Variants in CFAP221 observed in about 807,000 individuals in gnomAD.
The protein encoded by CFAP221 is cilia- and flagella-associated protein 221.
Under a neutral mutation model 113.1 loss-of-function variants are expected in CFAP221, and 97 were observed. The observed-to-expected ratio is 0.86, with a 90% CI of 0.73 to 1.02. The LOEUF is 1.02. Ranked by LOEUF, CFAP221 falls within the 50% of genes least tolerant of loss-of-function variation. The pLI, the probability that CFAP221 is intolerant of heterozygous loss-of-function variation, is 0.00. For synonymous variants in CFAP221, 331 were observed against 354.4 expected, an observed-to-expected ratio of 0.93 and a Z score of 0.74; for missense variants, 1,025 against 1,013.4, an observed-to-expected ratio of 1.01 and a Z score of -0.16.
chr2:119,571,845 G>T (rs1233740619), intron 6 of CFAP221, among the ~76,000 whole-genome samples: 1 of 152,234 alleles, frequency 6.6e-6, no homozygotes, highest in African/African-American at 2.4e-5. Context: ...AGCAAAAGGT[G>T]AATTCAGAAG....
chr2:119,638,662 A>T (rs754968738), intron 20 of CFAP221, among the ~76,000 whole-genome samples: 1 of 152,164 alleles, frequency 6.6e-6, no homozygotes, highest in Non-Finnish European at 1.5e-5. Context: ...TTCCTCTGGA[A>T]GGCTGCACCT....
At chr2:119,641,844 C>T (rs1017208076) in intron 21 of CFAP221, among the ~76,000 whole-genome samples, 1 of 152,108 alleles carries the variant, frequency 6.6e-6, no homozygotes, top group Non-Finnish European at 1.5e-5. Context: ...GTCAGTAAAC[C>T]GGGTCTGGGG....
intron 11 of CFAP221, among the ~76,000 whole-genome samples, chr2:119,606,619 G>A (rs908301026): frequency 6.6e-6 from 1 of 152,062 alleles, no homozygotes; most frequent in African/African-American, 2.4e-5. Context: ...TAGGAAACCT[G>A]AAAACATGTT....
At chr2:119,629,766 C>A in intron 16 of CFAP221, 109 bp from the exon 17 acceptor site, 1 of 833,110 alleles carries the variant, frequency 1.2e-6, no homozygotes. Flanking sequence ...GGAGGAGTTG[C>A]TCTGAGAGTA....
downstream of CFAP221, among the ~76,000 whole-genome samples, chr2:119,657,857 G>A (rs1688490294): frequency 6.6e-6 from 1 of 152,154 alleles, no homozygotes; most frequent in Non-Finnish European, 1.5e-5. Flanking sequence ...ATGCATTTTT[G>A]CAAGAATTCC....
At chr2:119,608,372 C>G (rs1355787021) in intron 11 of CFAP221, 130 bp from the exon 12 acceptor site, 1 of 592,050 alleles carries the variant, frequency 1.7e-6, no homozygotes, top group African/African-American at 1.8e-5. Flanking sequence ...ACTAACTTCT[C>G]TATCCCATGT....
intron 20 of CFAP221, 150 bp downstream of exon 20, chr2:119,638,567 C>A: frequency 9.7e-7 from 1 of 1,032,948 alleles, no homozygotes; most frequent in Non-Finnish European, 1.4e-6. Context: ...ATACCGCCAG[C>A]CCTAAAGGGG....
At chr2:119,566,309 A>G (rs1396851940) in intron 6 of CFAP221, among the ~76,000 whole-genome samples, 1 of 152,224 alleles carries the variant, frequency 6.6e-6, no homozygotes, top group African/African-American at 2.4e-5. Context: ...GTTACCATGC[A>G]CTAACAATTC....
chr2:119,638,281 C>T lies in CFAP221; in HGVS notation c.1997C>T (p.Ala666Val). 1 of 1,614,148 alleles carries T rather than the reference C, an allele frequency of 6.2e-7. No homozygotes were observed. ...YVFNPNPGLF[A>V]VMHPLTYAET... is the part of the protein sequence containing the mutation. ...CAGAATCCCAACCCAGGATTATTTG[C>T]TGTAATGCATCCTCTGACCTATGCA... Residue 666 changes from alanine to valine, a missense_variant, in exon 20 of 24, where the codon GCT becomes GTT. Coordinates refer to ENST00000413369, the MANE Select transcript of CFAP221 (RefSeq NM_001271049.2).
At chr2:119,647,096 T>C in intron 22 of CFAP221, 46 bp downstream of exon 22, 1 of 1,493,444 alleles carries the variant, frequency 6.7e-7, no homozygotes, top group South Asian at 1.2e-5. Context: ...TGGTCTGTTT[T>C]CCAAAAATAT....
intron 2 of CFAP221, among the ~76,000 whole-genome samples, chr2:119,548,497 C>T (rs2105006420): frequency 6.6e-6 from 1 of 152,310 alleles, no homozygotes; most frequent in African/African-American, 2.4e-5. Flanking sequence ...TAGACCTGGA[C>T]ACTTTTGTGA....
intron 6 of CFAP221, among the ~76,000 whole-genome samples, chr2:119,583,139 C>T (rs997352546): frequency 2.6e-5 from 4 of 151,638 alleles, no homozygotes; most frequent in African/African-American, 4.8e-5. Flanking sequence ...CAAATTTTAA[C>T]GAAAAGAAAA....
At chr2:119,649,850 C>G (rs192142430) in intron 22 of CFAP221, among the ~76,000 whole-genome samples, 1 of 152,150 alleles carries the variant, frequency 6.6e-6, no homozygotes. Context: ...CTGGGTTGAC[C>G]GAGGCCATCT....
intron 21 of CFAP221, among the ~76,000 whole-genome samples, chr2:119,640,258 C>T (rs1558988621): frequency 6.6e-6 from 1 of 151,838 alleles, no homozygotes; most frequent in Non-Finnish European, 1.5e-5. Flanking sequence ...CAAGATTAGC[C>T]TTCCGCAGTC....
At position 119,611,682 on chromosome 2, in the gene CFAP221, G is replaced by A; in HGVS notation, c.1251G>A (p.Glu417=). The A allele has an allele frequency of 6.2e-7, 1 of 1,613,778 alleles. No homozygotes were observed. Among genetic ancestry groups the A allele is most frequent in the Middle Eastern group, 1.7e-4 (1 of 6,060 alleles). The change falls in exon 13 of 24, where the codon GAG becomes GAA. Residue 417 remains glutamate (E), a synonymous_variant. Transcript: ENST00000413369. The stretch of plus-strand genomic sequence containing the variant: ...ACAGAGGAGATCCTATTTTGGATGA[G>A]GAATTTCAGCGACTTAAAACAGAAG... ...KLDRGDPILD[E]EFQRLKTEVS...
intron 14 of CFAP221, among the ~76,000 whole-genome samples, chr2:119,621,172 C>T (rs1220084417): frequency 1.3e-5 from 2 of 150,144 alleles, no homozygotes; most frequent in African/African-American, 4.9e-5. Flanking sequence ...CTGTGGTGAG[C>T]TGAGATTGTG....
intron 3 of CFAP221, among the ~76,000 whole-genome samples, chr2:119,558,161 G>C (rs75332479): frequency 0.019 from 2,842 of 152,246 alleles, 48 homozygotes; most frequent in East Asian, 0.069. Context: ...GGACTTCACA[G>C]CCCTCCCCCA....
intron 6 of CFAP221, among the ~76,000 whole-genome samples, chr2:119,566,877 A>G (rs1681684990): frequency 6.6e-6 from 1 of 151,448 alleles, no homozygotes; most frequent in Non-Finnish European, 1.5e-5. Context: ...TTTTTATTGT[A>G]TTGTATCAAA....
At chr2:119,598,074 A>G (rs1390368385) in intron 7 of CFAP221, among the ~76,000 whole-genome samples, 1 of 152,180 alleles carries the variant, frequency 6.6e-6, no homozygotes, top group Non-Finnish European at 1.5e-5. Flanking sequence ...TGTGGCTCGA[A>G]TGGCTCTATG....
Sources: gnomAD v4.1 joint callset for allele counts (sites outside exome capture counted in the v4.1 genomes callset) on GRCh38, gnomAD v4.1.1 for gene constraint, MANE v1.5 for transcripts, NCBI Gene and HGNC (gene_info 2026-07-23, HGNC 2026-07-21) for gene names.